The following EFCAB6 variants were observed in gnomAD, a reference collection of about 807,000 sequenced individuals.
EFCAB6 encodes EF-hand calcium-binding domain-containing protein 6.
EFCAB6 carries 156 observed loss-of-function variants against 169.8 expected under a neutral mutation model. That is an observed-to-expected ratio of 0.92 (90% CI 0.81 to 1.05). EFCAB6 has a LOEUF of 1.05. Ranked by LOEUF, EFCAB6 falls within the 50% of genes least tolerant of loss-of-function variation. EFCAB6 has a pLI of 0.00. For missense variants in EFCAB6, 1,800 were observed against 1,829.1 expected (o/e 0.98, Z 0.29); for synonymous variants, 698 against 676.4 (o/e 1.03, Z -0.50).
chr22:43,791,675 G>A (rs1342453934), intron 2 of EFCAB6, among the ~76,000 whole-genome samples: 1 of 152,184 alleles, frequency 6.6e-6, no homozygotes, highest in Non-Finnish European at 1.5e-5. Context: ...CACCACCGAG[G>A]ACCCTGATAG....
Position 43,658,186 on chromosome 22 carries a change from C to A in EFCAB6, c.1983+8918G>T, listed in dbSNP as rs111363655. Among the ~76,000 whole-genome samples the A allele has an allele frequency of 3.3e-5, 5 of 152,044 alleles. No individual in the cohort carries two copies. The East Asian group carries it at 7.7e-4, about 23-fold the overall frequency. ...GGCGGAGTTTGCAGTGAGTAGAGAT[C>A]GTGCCACTTCACTCCAGCCTGGGCG... is the stretch of plus-strand genomic sequence containing the variant. On this transcript the variant is annotated intron_variant, in intron 17 of 31. Transcript: ENST00000262726.
At chr22:43,663,562 T>C (rs2057106840) in intron 17 of EFCAB6, among the ~76,000 whole-genome samples, 2 of 152,222 alleles carry the variant, frequency 1.3e-5, no homozygotes, top group African/African-American at 4.8e-5. Context: ...AAGAAGACTT[T>C]CCCAAAGCTT....
intron 17 of EFCAB6, among the ~76,000 whole-genome samples, chr22:43,661,999 A>G (rs1460358291): frequency 6.6e-6 from 1 of 151,810 alleles, no homozygotes; most frequent in East Asian, 1.9e-4. Context: ...ATATGGTGAA[A>G]ACTTGTCTAC....
At chr22:43,555,699 G>A (rs73172034) in intron 26 of EFCAB6, among the ~76,000 whole-genome samples, 5,905 of 152,292 alleles carry the variant, frequency 0.039, 125 homozygotes, top group African/African-American at 0.051. Flanking sequence ...CAGTGGGCAC[G>A]GGTCCCAGGC....
chr22:43,597,198 T>C (rs2052081122), intron 23 of EFCAB6, among the ~76,000 whole-genome samples: 2 of 152,162 alleles, frequency 1.3e-5, no homozygotes, highest in South Asian at 2.1e-4. Flanking sequence ...AGGGCAAATA[T>C]TTTTTGGATA....
intron 1 of EFCAB6, among the ~76,000 whole-genome samples, chr22:43,810,237 T>C (rs1379211708): frequency 6.6e-6 from 1 of 152,198 alleles, no homozygotes; most frequent in Non-Finnish European, 1.5e-5. Context: ...GGGACCAAAC[T>C]GTGCTTGGCA....
intron 8 of EFCAB6, among the ~76,000 whole-genome samples, chr22:43,724,622 G>A (rs1038847128): frequency 6.6e-6 from 1 of 151,936 alleles, no homozygotes; most frequent in African/African-American, 2.4e-5. Context: ...TGCCTGCCTT[G>A]GCCTCCCAAA....
intron 26 of EFCAB6, among the ~76,000 whole-genome samples, chr22:43,561,669 C>T (rs1489357460): frequency 2.0e-5 from 3 of 152,198 alleles, no homozygotes. Context: ...AGCTGCTCAG[C>T]CGCCGCCAGC....
At chr22:43,647,016 T>G (rs1002940998) in intron 17 of EFCAB6, among the ~76,000 whole-genome samples, 1 of 152,210 alleles carries the variant, frequency 6.6e-6, no homozygotes, top group Non-Finnish European at 1.5e-5. Flanking sequence ...CTGTAACAAA[T>G]GTAGCATTCT....
intron 15 of EFCAB6, 28 bp downstream of exon 15, chr22:43,671,945 T>C (rs375925792): frequency 3.7e-6 from 6 of 1,608,938 alleles, no homozygotes; most frequent in Non-Finnish European, 5.1e-6. Flanking sequence ...AAACACGACA[T>C]GAATTAATTT....
chr22:43,769,151 C>CTA (rs1172551422), intron 4 of EFCAB6, among the ~76,000 whole-genome samples: 1 of 152,208 alleles, frequency 6.6e-6, no homozygotes, highest in Non-Finnish European at 1.5e-5. Flanking sequence ...ATACAATGGA[C>CTA]TATTACTCAG....
At position 43,672,148 on chromosome 22, in the gene EFCAB6, C is replaced by A. The variant is rs1282413081; in HGVS notation, c.1480-15G>T. 1 of 1,612,822 alleles carries A rather than the reference C, an allele frequency of 6.2e-7. No individual in the cohort carries two copies. The highest frequency in any genetic ancestry group is 8.5e-7 in the Non-Finnish European group (1 of 1,179,584). ...ATTTCTTCCACCTAACATTAAAAAA[C>A]AAACATATTTCCTAAGCCATACATC... On this transcript the variant is annotated splice_polypyrimidine_tract_variant and intron_variant, in intron 14 of 31. Coordinates refer to ENST00000262726, the MANE Select transcript of EFCAB6 (RefSeq NM_022785.4).
intron 22 of EFCAB6, among the ~76,000 whole-genome samples, chr22:43,604,247 T>C (rs1027658750): frequency 6.6e-6 from 1 of 152,190 alleles, no homozygotes; most frequent in African/African-American, 2.4e-5. Flanking sequence ...TAGTGTCCAA[T>C]TGCTGGAGCT....
At chr22:43,694,935 T>C (rs1479979242) in intron 10 of EFCAB6, among the ~76,000 whole-genome samples, 1 of 152,010 alleles carries the variant, frequency 6.6e-6, no homozygotes, top group African/African-American at 2.4e-5. Flanking sequence ...ACCATTTCTG[T>C]TCAACATTAT....
At chr22:43,598,338 A>AAT (rs1569223304) in intron 23 of EFCAB6, among the ~76,000 whole-genome samples, 1 of 149,392 alleles carries the variant, frequency 6.7e-6, no homozygotes, top group African/African-American at 2.5e-5. Flanking sequence ...AAAAAAAAAA[A>AAT]GGTTGATCTC....
intron 26 of EFCAB6, among the ~76,000 whole-genome samples, chr22:43,563,639 G>T (rs890838623): frequency 2.6e-5 from 4 of 152,226 alleles, no homozygotes; most frequent in African/African-American, 9.6e-5. Context: ...CAACCCTCAA[G>T]GCATGTGGCC....
At chr22:43,733,996 C>T (rs983131770) in intron 7 of EFCAB6, among the ~76,000 whole-genome samples, 6 of 152,076 alleles carry the variant, frequency 3.9e-5, no homozygotes, top group Admixed American at 3.3e-4. Flanking sequence ...CGTGATCCAC[C>T]GCGCCCGGCC....
intron 26 of EFCAB6, among the ~76,000 whole-genome samples, chr22:43,561,356 C>CAAAA (rs768942774): frequency 8.9e-6 from 1 of 112,168 alleles, no homozygotes; most frequent in Non-Finnish European, 1.9e-5. Context: ...GACTCTGTCT[C>CAAAA]AAAAAAAAAA....
intron 2 of EFCAB6, among the ~76,000 whole-genome samples, chr22:43,794,077 G>A (rs1362229021): frequency 6.6e-6 from 1 of 152,008 alleles, no homozygotes; most frequent in Non-Finnish European, 1.5e-5. Flanking sequence ...CTGGGGGATG[G>A]GGCCCAGCCA....
Sources: gnomAD v4.1 joint callset for allele counts (sites outside exome capture counted in the v4.1 genomes callset) on GRCh38, gnomAD v4.1.1 for gene constraint, MANE v1.5 for transcripts, NCBI Gene and HGNC (gene_info 2026-07-23, HGNC 2026-07-21) for gene names.